ERGIC1: variants seen among roughly 807,000 people sequenced by gnomAD.
ERGIC1 encodes the protein endoplasmic reticulum-golgi intermediate compartment 1.
In ERGIC1, 19 loss-of-function variants were observed where a neutral mutation model predicts 38.3. That is an observed-to-expected ratio of 0.50 (90% CI 0.35 to 0.73). The LOEUF (loss-of-function observed/expected upper bound fraction) is 0.73. Among genes scored for constraint, ERGIC1 ranks in the 30% least tolerant of loss-of-function variants. ERGIC1 has a pLI of 0.01. For missense variants in ERGIC1, 294 were observed against 389.2 expected (o/e 0.76, Z 2.06); for synonymous variants, 124 against 157.6 (o/e 0.79, Z 1.60).
At chr5:172,870,228 A>G (rs1156753102) in intron 1 of ERGIC1, among the ~76,000 whole-genome samples, 2 of 152,184 alleles carry the variant, frequency 1.3e-5, no homozygotes, top group African/African-American at 4.8e-5. Context: ...AACACTTGCC[A>G]TCATTTTTTA....
At chr5:172,902,763 C>T (rs963959022) in intron 3 of ERGIC1, among the ~76,000 whole-genome samples, 5 of 152,130 alleles carry the variant, frequency 3.3e-5, no homozygotes, top group Admixed American at 1.3e-4. Flanking sequence ...CCTCCCTCCA[C>T]CCCACCCCAA....
At chr5:172,920,176 G>A (rs1004053243) in intron 5 of ERGIC1, among the ~76,000 whole-genome samples, 2 of 152,120 alleles carry the variant, frequency 1.3e-5, no homozygotes, top group Admixed American at 1.3e-4. Context: ...CCATACTCCT[G>A]GAGGGAGTAG....
intron 1 of ERGIC1, among the ~76,000 whole-genome samples, chr5:172,875,275 C>G (rs991558605): frequency 1.3e-5 from 2 of 152,128 alleles, no homozygotes; most frequent in Admixed American, 1.3e-4. Flanking sequence ...GGTGTTGGCT[C>G]AGCATCTCAA....
intron 8 of ERGIC1, chr5:172,934,837 T>C (rs944974799): frequency 2.8e-5 from 9 of 317,314 alleles, no homozygotes; most frequent in South Asian, 2.5e-4. Context: ...CATTGTTGAA[T>C]AAATGAATGG....
chr5:172,893,900 T>TACAC (rs1762637228), intron 2 of ERGIC1, among the ~76,000 whole-genome samples: 1 of 36,774 alleles, frequency 2.7e-5, no homozygotes, highest in African/African-American at 8.8e-5. Context: ...TATATATATA[T>TACAC]ATATATGTGT....
At chr5:172,886,513 T>C (rs910890967) in intron 1 of ERGIC1, among the ~76,000 whole-genome samples, 3 of 152,184 alleles carry the variant, frequency 2.0e-5, no homozygotes, top group Admixed American at 6.5e-5. Flanking sequence ...ACAAACTCAC[T>C]GGGCCAAGGG....
chr5:172,915,789 AGCCACTG>A (rs1763350450), intron 5 of ERGIC1: 1 of 386,504 alleles, frequency 2.6e-6, no homozygotes, highest in Non-Finnish European at 5.5e-6. Context: ...AGCCAAACTG[AGCCACTG>A]GCCACTCCTG....
chr5:172,949,575 C>T (rs962806732), intron 9 of ERGIC1, among the ~76,000 whole-genome samples: 1 of 151,794 alleles, frequency 6.6e-6, no homozygotes, highest in African/African-American at 2.4e-5. Context: ...CTCCTGCTAC[C>T]GCCATTCTCA....
Position 172,906,176 on chromosome 5 carries a change from C to T in ERGIC1, c.156-3491C>T, listed in dbSNP as rs138421968. 6.4e-4 allele frequency: 291 copies of T among 456,194 alleles called. 2 individuals are homozygous for T. The highest frequency in any genetic ancestry group is 5.2e-3 in the African/African-American group (260 of 50,138). 28.3% of individuals were successfully genotyped at this position (456,194 alleles called of 1,614,324 possible). On this transcript the variant is annotated intron_variant, in intron 3 of 9. Coordinates refer to ENST00000393784, the MANE Select transcript of ERGIC1 (RefSeq NM_001031711.3). The stretch of plus-strand genomic sequence containing the variant: ...GGCCAACACTACAAGCAAGGTCAAG[C>T]GCAGGTCCGTGTCTCCCCTCTCCCA...
chr5:172,858,724 C>T (rs1020636089), intron 1 of ERGIC1, among the ~76,000 whole-genome samples: 4 of 152,206 alleles, frequency 2.6e-5, no homozygotes, highest in Admixed American at 6.5e-5. Flanking sequence ...CTCGGCTGAC[C>T]TTACCAGCCC....
chr5:172,915,198 G>A (rs1385928054), intron 5 of ERGIC1: 7 of 608,736 alleles, frequency 1.1e-5, no homozygotes, highest in Non-Finnish European at 2.1e-5. Context: ...AGGGTGTGAT[G>A]GCGATAATAG....
intron 1 of ERGIC1, among the ~76,000 whole-genome samples, chr5:172,868,677 C>T (rs1761931634): frequency 6.6e-6 from 1 of 152,154 alleles, no homozygotes; most frequent in Non-Finnish European, 1.5e-5. Flanking sequence ...CCAAGAGTGA[C>T]CCCTGATGTC....
At chr5:172,950,584 T>TA (rs1168433779) in intron 9 of ERGIC1, 125 bp from the exon 10 acceptor site, 2 of 771,934 alleles carry the variant, frequency 2.6e-6, no homozygotes, top group Admixed American at 4.9e-5. Context: ...TAGTGGGTAT[T>TA]ATGGGCTTAA....
chr5:172,874,496 A>G lies in ERGIC1; in HGVS notation c.21-14203A>G, dbSNP rs1762095723. On this transcript the variant is annotated intron_variant, in intron 1 of 9. Transcript: ENST00000393784. ...CAAGTGCTTCTCCTGAACCTACTCTATGCCGGACACTTTTCTAGGCCCTGG... is the reference window on the plus strand; with the variant it reads ...CAAGTGCTTCTCCTGAACCTACTCTGTGCCGGACACTTTTCTAGGCCCTGG... 3.3e-5 allele frequency among the ~76,000 whole-genome samples: 5 copies of G among 152,252 alleles called. No homozygotes were observed. The South Asian group carries it at 1.0e-3, about 32-fold the overall frequency.
chr5:172,889,591 A>G (rs1762508951), intron 2 of ERGIC1, among the ~76,000 whole-genome samples: 1 of 152,180 alleles, frequency 6.6e-6, no homozygotes, highest in Non-Finnish European at 1.5e-5. Flanking sequence ...CAGCAGTTTG[A>G]GTAATAAAAT....
chr5:172,889,745 A>C (rs969377069), intron 2 of ERGIC1, among the ~76,000 whole-genome samples: 2 of 152,220 alleles, frequency 1.3e-5, no homozygotes, highest in Non-Finnish European at 2.9e-5. Context: ...TCTTATCCAA[A>C]ATGCTTAGGA....
At chr5:172,891,472 T>C (rs1411380512) in intron 2 of ERGIC1, among the ~76,000 whole-genome samples, 1 of 151,798 alleles carries the variant, frequency 6.6e-6, no homozygotes, top group African/African-American at 2.4e-5. Flanking sequence ...GGAGTCTCGC[T>C]CTGTCCCCCA....
Position 172,887,423 on chromosome 5 carries a change from A to G in ERGIC1, c.21-1276A>G, listed in dbSNP as rs568868506. On this transcript the variant is annotated intron_variant, in intron 1 of 9. Coordinates refer to ENST00000393784, the MANE Select transcript of ERGIC1 (RefSeq NM_001031711.3). Reference sequence around the variant, plus strand: ...GCGAGCTCTCTGCGTCACATCCTTTACAGACACTTCTTTCCCTCACTCCTT... The same window carrying G: ...GCGAGCTCTCTGCGTCACATCCTTTGCAGACACTTCTTTCCCTCACTCCTT... Among the ~76,000 whole-genome samples, 4 of 152,286 alleles carry G rather than the reference A, an allele frequency of 2.6e-5. No individual in the cohort carries two copies. The East Asian group carries it at 5.8e-4, about 22-fold the overall frequency.
At chr5:172,847,054 G>A (rs1177497434) in intron 1 of ERGIC1, among the ~76,000 whole-genome samples, 1 of 152,158 alleles carries the variant, frequency 6.6e-6, no homozygotes, top group Non-Finnish European at 1.5e-5. Flanking sequence ...TTTTTGCTCA[G>A]TGTAACTTAT....
Sources: allele counts gnomAD v4.1 joint callset (sites outside exome capture counted in the v4.1 genomes callset), GRCh38; gene constraint gnomAD v4.1.1; transcripts MANE v1.5; gene names NCBI Gene and HGNC (gene_info 2026-07-23, HGNC 2026-07-21).